The following DNMBP variants were observed in gnomAD, a reference collection of about 807,000 sequenced individuals.
DNMBP encodes dynamin binding protein.
Under a neutral mutation model 150.0 loss-of-function variants are expected in DNMBP, and 87 were observed. That is an observed-to-expected ratio of 0.58 (90% CI 0.49 to 0.69). The LOEUF (loss-of-function observed/expected upper bound fraction) is 0.69, where lower values mean the gene tolerates loss of function less well. Ranked by LOEUF, DNMBP falls within the 30% of genes least tolerant of loss-of-function variation. DNMBP has a pLI of 0.00. For missense variants in DNMBP, 1,774 were observed against 1,949.0 expected (o/e 0.91, Z 1.69); for synonymous variants, 711 against 750.4 (o/e 0.95, Z 0.86).
intron 4 of DNMBP, among the ~76,000 whole-genome samples, chr10:99,933,793 G>A (rs897873619): frequency 5.9e-5 from 9 of 152,202 alleles, no homozygotes; most frequent in Non-Finnish European, 7.3e-5. Flanking sequence ...CTGGAGTGCA[G>A]TGGCGCGATC....
At chr10:99,899,885 G>A (rs772505462) in intron 7 of DNMBP, 34 bp downstream of exon 7, 15 of 1,612,212 alleles carry the variant, frequency 9.3e-6, no homozygotes, top group Non-Finnish European at 1.1e-5. Context: ...GAACTAAAGA[G>A]CTGTAATGGA....
chr10:99,919,215 T>A (rs2039996825), intron 4 of DNMBP, among the ~76,000 whole-genome samples: 1 of 152,194 alleles, frequency 6.6e-6, no homozygotes, highest in Non-Finnish European at 1.5e-5. Context: ...GTGCTCTCCA[T>A]TAAACGTCAA....
intron 10 of DNMBP, among the ~76,000 whole-genome samples, chr10:99,895,309 T>C (rs1216931010): frequency 6.6e-6 from 1 of 151,956 alleles, no homozygotes; most frequent in Admixed American, 6.6e-5. Flanking sequence ...GTATTACTAG[T>C]AGAGATGGGG....
intron 7 of DNMBP, among the ~76,000 whole-genome samples, chr10:99,899,026 A>G (rs1461839864): frequency 6.7e-6 from 1 of 150,018 alleles, no homozygotes; most frequent in African/African-American, 2.5e-5. Context: ...AACCCCGTCT[A>G]TACTAAAAAC....
rs1590206502 is a variant in DNMBP at position 99,880,218 on chromosome 10, T to C, written c.4141A>G (p.Ser1381Gly). 6.2e-7 allele frequency: 1 copy of C among 1,614,156 alleles called. No homozygotes were observed. The highest frequency in any genetic ancestry group is 8.5e-7 in the Non-Finnish European group (1 of 1,180,022). The change falls in exon 16 of 17, where the codon AGC becomes GGC. Residue 1381 changes from serine to glycine, a missense_variant. Physicochemically the swap from Ser to Gly is moderately conservative, Grantham distance 56. This residue lies in a region of DNMBP where 1,430 missense variants were observed against 1,492.5 expected (regional missense o/e 0.96). Transcript: ENST00000324109. The stretch of plus-strand genomic sequence containing the variant: ...CTGCTGGGGTTGAAGGTCAGGGTGC[T>C]GCCGCTGTTCTGGCGTGGGAACCTG... ...SPRFPRQNSG[S>G]TLTFNPSSMA... is the part of the protein sequence containing the mutation.
intron 1 of DNMBP, among the ~76,000 whole-genome samples, chr10:99,975,807 T>C (rs2040722922): frequency 6.6e-6 from 1 of 152,230 alleles, no homozygotes; most frequent in South Asian, 2.1e-4. Flanking sequence ...GGGCTTCAGT[T>C]TCCTCATCCA....
chr10:99,898,827 T>G, intron 7 of DNMBP, 67 bp from the exon 8 acceptor site: 1 of 1,446,144 alleles, frequency 6.9e-7, no homozygotes, highest in Non-Finnish European at 9.7e-7. Flanking sequence ...AGTTTCACAT[T>G]TTTCTCAGAA....
At chr10:99,879,168 AATAGGAAAAAC>A (rs2039325816) in intron 16 of DNMBP, among the ~76,000 whole-genome samples, 1 of 150,658 alleles carries the variant, frequency 6.6e-6, no homozygotes, top group Non-Finnish European at 1.5e-5. Context: ...TTACAAAGAG[AATAGGAAAAAC>A]TGGGGCTGGG....
At chr10:99,949,583 T>A (rs1385285828) in intron 4 of DNMBP, among the ~76,000 whole-genome samples, 2 of 152,190 alleles carry the variant, frequency 1.3e-5, no homozygotes, top group East Asian at 3.8e-4. Flanking sequence ...TTTTATCATA[T>A]TAGCAATAGA....
At chr10:99,898,427 T>C in intron 8 of DNMBP, 142 bp from the exon 9 acceptor site, 1 of 734,644 alleles carries the variant, frequency 1.4e-6, no homozygotes, top group Non-Finnish European at 2.4e-6. Flanking sequence ...TGTTCCTAAA[T>C]ATTGCTCTCT....
At chr10:99,951,967 G>C (rs961905598) in intron 4 of DNMBP, among the ~76,000 whole-genome samples, 2 of 152,146 alleles carry the variant, frequency 1.3e-5, no homozygotes, top group Admixed American at 1.3e-4. Flanking sequence ...AACTCATCTT[G>C]AATTCCTATG....
At chr10:99,964,885 A>ATATAT (rs1313725020) in intron 3 of DNMBP, among the ~76,000 whole-genome samples, 25 of 135,968 alleles carry the variant, frequency 1.8e-4, no homozygotes, top group Non-Finnish European at 1.4e-4. Flanking sequence ...AAAAAAAAAA[A>ATATAT]ATATATATAT....
At chr10:99,943,374 G>A (rs2133309083) in intron 4 of DNMBP, among the ~76,000 whole-genome samples, 1 of 135,402 alleles carries the variant, frequency 7.4e-6, no homozygotes. Context: ...ATTCTTGTGT[G>A]TGGTTTTTTG....
intron 1 of DNMBP, among the ~76,000 whole-genome samples, chr10:99,981,519 C>T (rs927889694): frequency 6.6e-6 from 1 of 152,100 alleles, no homozygotes; most frequent in African/African-American, 2.4e-5. Flanking sequence ...CAAGTCTGGA[C>T]ATACTTCATT....
intron 15 of DNMBP, among the ~76,000 whole-genome samples, chr10:99,882,619 G>GT (rs1468374464): frequency 6.6e-6 from 1 of 151,972 alleles, no homozygotes; most frequent in East Asian, 1.9e-4. Context: ...ATATGAACAA[G>GT]TATGTGTCAG....
Position 99,900,039 on chromosome 10 carries a change from T to C in DNMBP, c.2582A>G (p.Glu861Gly), listed in dbSNP as rs2039716291. The change falls in exon 7 of 17, where the codon GAG becomes GGG. Residue 861 changes from glutamate (E) to glycine (G), a missense_variant. Coordinates refer to ENST00000324109, the MANE Select transcript of DNMBP (RefSeq NM_015221.4). ...GTAAATCTTGTATGTTCCCTCAAGC[T>C]CATCCCGGTGACCAAGAAACACAGG... ...VGPVFLGHRD[E>G]LEGTYKIYCQ... The C allele has an allele frequency of 6.2e-7, 1 of 1,614,002 alleles. No homozygotes were observed. Among genetic ancestry groups the C allele is most frequent in the African/African-American group, 1.3e-5 (1 of 74,906 alleles).
intron 3 of DNMBP, among the ~76,000 whole-genome samples, chr10:99,966,769 T>C (rs554579622): frequency 5.1e-4 from 78 of 152,182 alleles, no homozygotes; most frequent in African/African-American, 1.8e-3. Flanking sequence ...GGTGGCGTTT[T>C]CTCTCGTTAA....
chr10:99,920,690 TCA>T (rs947411334), intron 4 of DNMBP, among the ~76,000 whole-genome samples: 4 of 152,148 alleles, frequency 2.6e-5, no homozygotes, highest in Non-Finnish European at 5.9e-5. Context: ...ACGCGACTTC[TCA>T]GTCTTTTTTG....
intron 4 of DNMBP, among the ~76,000 whole-genome samples, chr10:99,917,981 AAAAAAAAAAG>A (rs1564731603): frequency 8.2e-6 from 1 of 122,522 alleles, no homozygotes; most frequent in Non-Finnish European, 1.8e-5. Flanking sequence ...AAAAAAAAAA[AAAAAAAAAAG>A]AAAAGAAAGG....
Sources: allele counts gnomAD v4.1 joint callset (sites outside exome capture counted in the v4.1 genomes callset), GRCh38; gene constraint gnomAD v4.1.1; regional missense constraint gnomAD v4.1.1; transcripts MANE v1.5; gene names NCBI Gene and HGNC (gene_info 2026-07-23, HGNC 2026-07-21).